The following ABCC3 variants were observed in gnomAD, a reference collection of about 807,000 sequenced individuals.
ABCC3 encodes the protein ATP binding cassette subfamily C member 3, also known as ATP-binding cassette sub-family C member 3.
Under a neutral mutation model 165.3 loss-of-function variants are expected in ABCC3, and 121 were observed. The ratio of observed to expected loss-of-function variants is 0.73; its 90% CI spans 0.63 to 0.85. ABCC3 has a LOEUF of 0.85. ABCC3 is among the 40% of genes least tolerant of loss of function. The pLI, the probability that ABCC3 is intolerant of heterozygous loss-of-function variation, is 0.00. For missense variants in ABCC3, 1,869 were observed against 1,964.1 expected, an observed-to-expected ratio of 0.95 and a Z score of 0.92; for synonymous variants, 733 against 810.1, an observed-to-expected ratio of 0.90 and a Z score of 1.62.
intron 24 of ABCC3, 51 bp from the exon 25 acceptor site, chr17:50,678,042 C>A (rs372147961): frequency 6.8e-6 from 11 of 1,613,924 alleles, no homozygotes; most frequent in Admixed American, 5.0e-5. Flanking sequence ...AAGCAGAAAA[C>A]TGGCCCTGCC....
At chr17:50,675,016 T>TCC (rs1967769561) in intron 19 of ABCC3, among the ~76,000 whole-genome samples, 3 of 152,026 alleles carry the variant, frequency 2.0e-5, no homozygotes, top group Admixed American at 2.0e-4. Context: ...GCCAGGCTGG[T>TCC]CTCGATCTCC....
At position 50,655,867 on chromosome 17, in the gene ABCC3, C is replaced by T. The variant is rs777252908; in HGVS notation, c.81C>T (p.Asp27=). The T allele has an allele frequency of 4.3e-6, 7 of 1,614,012 alleles. No individual in the cohort carries two copies. In the South Asian group the frequency reaches 6.6e-5, roughly 15 times the overall value. Residue 27 remains aspartate (D), a synonymous_variant, in exon 2 of 31, where the codon GAC becomes GAT. Coordinates refer to ENST00000285238, the MANE Select transcript of ABCC3 (RefSeq NM_003786.4). ...TGTCTGTGCACACAGAAAACCCGGA[C>T]CTCACTCCCTGCTTCCAGAACTCCC... ...SNLSVHTENP[D]LTPCFQNSLL...
rs908336862 is a variant in ABCC3 at position 50,655,847 on chromosome 17, G to A, written c.61G>A (p.Val21Met). The change falls in exon 2 of 31, where the codon GTG (valine) becomes ATG (methionine). Residue 21 changes from valine (V) to methionine (M), a missense_variant. Physicochemically the swap from Val to Met is conservative, Grantham distance 21. Transcript: ENST00000285238. ...GSKFWDSNLS[V>M]HTENPDLTPC... is the part of the protein sequence containing the mutation. ...GTGTCCCCAGGACTCCAACCTGTCT[G>A]TGCACACAGAAAACCCGGACCTCAC... 1 of 1,614,016 alleles carries A rather than the reference G, an allele frequency of 6.2e-7. No homozygotes were observed. Among genetic ancestry groups the A allele is most frequent in the Non-Finnish European group, 8.5e-7 (1 of 1,179,960 alleles).
intron 26 of ABCC3, 110 bp from the exon 27 acceptor site, chr17:50,683,500 C>T: frequency 7.7e-7 from 1 of 1,300,758 alleles, no homozygotes. Context: ...CAAGGACCCT[C>T]CCAGGGACCA....
chr17:50,684,775 G>T lies in ABCC3; in HGVS notation c.4180G>T (p.Asp1394Tyr). 2 of 1,614,164 alleles carry T rather than the reference G, an allele frequency of 1.2e-6. No individual in the cohort carries two copies. The highest frequency in any genetic ancestry group is 1.7e-6 in the Non-Finnish European group (2 of 1,180,026). ...LDPFGSYSEEDIWWALELSHL... is the reference protein window; with the variant it reads ...LDPFGSYSEEYIWWALELSHL... ...CCCCTTCGGCAGCTACTCAGAGGAG[G>T]ACATTTGGTGGGCTTTGGAGCTGTC... Residue 1394 changes from aspartate to tyrosine, a missense_variant, in exon 29 of 31, where the codon GAC becomes TAC. Transcript: ENST00000285238.
intron 17 of ABCC3, 81 bp downstream of exon 17, chr17:50,669,609 C>T: frequency 6.9e-7 from 1 of 1,447,892 alleles, no homozygotes; most frequent in Non-Finnish European, 9.5e-7. Flanking sequence ...TATATTCATC[C>T]CTTCATTCAC....
At chr17:50,679,934 C>G (rs766276334) in intron 26 of ABCC3, 35 bp downstream of exon 26, 1 of 1,559,614 alleles carries the variant, frequency 6.4e-7, no homozygotes, top group African/African-American at 1.4e-5. Flanking sequence ...CAGGGGGAAT[C>G]TGAAGTAGCT....
Position 50,683,646 on chromosome 17 carries a change from G to T in ABCC3, c.3844G>T (p.Gly1282Cys). The change falls in exon 27 of 31, where the codon GGT becomes TGT. Residue 1282 changes from glycine to cysteine, a missense_variant. Coordinates refer to ENST00000285238, the MANE Select transcript of ABCC3 (RefSeq NM_003786.4). ...WVVEGSRPPEGWPPRGEVEFR... is the reference protein window; with the variant it reads ...WVVEGSRPPECWPPRGEVEFR... ...GGTGGAAGGCAGCCGCCCTCCCGAA[G>T]GTTGGCCCCCACGTGGGGAGGTGGA... is the stretch of plus-strand genomic sequence containing the variant. 1 of 1,599,558 alleles carries T rather than the reference G, an allele frequency of 6.3e-7. No individual in the cohort carries two copies. Among genetic ancestry groups the T allele is most frequent in the South Asian group, 1.1e-5 (1 of 89,790 alleles).
At chr17:50,675,327 C>T in intron 19 of ABCC3, 35 bp from the exon 20 acceptor site, 1 of 1,526,110 alleles carries the variant, frequency 6.6e-7, no homozygotes, top group Non-Finnish European at 9.0e-7. Context: ...GGAGAACTAG[C>T]TGAACCCTAT....
intron 8 of ABCC3, 52 bp from the exon 9 acceptor site, chr17:50,663,629 G>A: frequency 6.3e-7 from 1 of 1,587,502 alleles, no homozygotes; most frequent in Non-Finnish European, 8.6e-7. Context: ...GCAGAGGAGG[G>A]AGCAGCCATG....
intron 7 of ABCC3, among the ~76,000 whole-genome samples, chr17:50,660,218 G>C (rs1759716651): frequency 6.6e-6 from 1 of 152,178 alleles, no homozygotes. Flanking sequence ...GCGGCTGAAT[G>C]AGATGATCTT....
In ABCC3 at chr17:50,651,052, G is replaced by A. The variant is rs371371540; in HGVS notation, c.46-4780G>A. On this transcript the variant is annotated intron_variant, in intron 1 of 30. Transcript: ENST00000285238. The stretch of plus-strand genomic sequence containing the variant: ...TGCACTCCAGCCTGGGTGACAGCGC[G>A]AGACTCCATCTCAGAAAAAAAAAAA... 1.2e-4 allele frequency among the ~76,000 whole-genome samples: 14 copies of A among 115,376 alleles called. 1 individual carries two copies. In the South Asian group the frequency reaches 2.5e-3, roughly 20 times the overall value. 75.7% of individuals were successfully genotyped at this position (115,376 alleles called of 152,430 possible).
intron 30 of ABCC3, among the ~76,000 whole-genome samples, chr17:50,690,291 C>G (rs895830762): frequency 2.2e-5 from 3 of 136,774 alleles, no homozygotes; most frequent in Non-Finnish European, 3.1e-5. Flanking sequence ...CAAGAGCAAT[C>G]AAAAGCCGCT....
At position 50,691,338 on chromosome 17, in the gene ABCC3, G is replaced by A. The variant is rs1968119847; in HGVS notation, c.*138G>A. ...TTTTGCACCTGTAAAGTGCCTTACA[G>A]GGTAACTGTGCTGAATGCTTTAGAT... On this transcript the variant is annotated 3_prime_UTR_variant, in exon 31 of 31. Transcript: ENST00000285238. 1 of 652,394 alleles carries A rather than the reference G, an allele frequency of 1.5e-6. No homozygotes were observed. The highest frequency in any genetic ancestry group is 1.8e-5 in the African/African-American group (1 of 55,516). The allele number at this position is 652,394 out of a possible 1,614,324, so 40.4% of individuals were successfully genotyped here.
At chr17:50,648,850 C>CA (rs1480966329) in intron 1 of ABCC3, among the ~76,000 whole-genome samples, 2 of 152,214 alleles carry the variant, frequency 1.3e-5, no homozygotes, top group Non-Finnish European at 2.9e-5. Context: ...TGCAGTGACT[C>CA]ACGCCTGTAA....
In ABCC3 at chr17:50,674,758, CACACTGG is replaced by C. The variant is rs1410076164; in HGVS notation, c.2600-599_2600-593del. On this transcript the variant is annotated intron_variant, in intron 19 of 30. Coordinates refer to ENST00000285238, the MANE Select transcript of ABCC3 (RefSeq NM_003786.4). The stretch of plus-strand genomic sequence containing the variant: ...TACCAAGTGCTGTGCCCCTCGCTCA[CACACTGG>C]ACACATTTTCTTTTAAGCCTACAGT... Among the ~76,000 whole-genome samples, 7 of 151,806 alleles carry C rather than the reference CACACTGG, an allele frequency of 4.6e-5. No individual in the cohort carries two copies. The South Asian group carries it at 8.3e-4, about 18-fold the overall frequency.
chr17:50,681,003 G>A (rs1230939200), intron 26 of ABCC3, among the ~76,000 whole-genome samples: 1 of 152,010 alleles, frequency 6.6e-6, no homozygotes, highest in Non-Finnish European at 1.5e-5. Context: ...TTGAACCCAG[G>A]CGGTGGAGGT....
chr17:50,679,945 G>A (rs369021100), intron 26 of ABCC3, 46 bp downstream of exon 26: 4 of 1,516,606 alleles, frequency 2.6e-6, no homozygotes, highest in Non-Finnish European at 3.7e-6. Flanking sequence ...TGAAGTAGCT[G>A]GGGAAGAAAG....
In ABCC3 at chr17:50,673,526, G is replaced by A. The variant is rs767621528; in HGVS notation, c.2467G>A (p.Val823Met). The A allele has an allele frequency of 1.6e-5, 26 of 1,614,190 alleles. No homozygotes were observed. In the South Asian group the frequency reaches 2.7e-4, roughly 17 times the overall value. ...CCTGCCCCAGACAGACTTCATCATT[G>A]TGCTAGCTGATGGACAGGTGTCTGA... ...SFLPQTDFII[V>M]LADGQVSEMG... The change falls in exon 19 of 31, where the codon GTG becomes ATG. Residue 823 changes from valine (V) to methionine (M), a missense_variant. Transcript: ENST00000285238.
Sources: allele counts gnomAD v4.1 joint callset (sites outside exome capture counted in the v4.1 genomes callset), GRCh38; gene constraint gnomAD v4.1.1; transcripts MANE v1.5; gene names NCBI Gene and HGNC (gene_info 2026-07-23, HGNC 2026-07-21).